The following UBE2W variants were observed in gnomAD, a reference collection of about 807,000 sequenced individuals.
UBE2W encodes the protein ubiquitin-conjugating enzyme E2 W.
Under a neutral mutation model 27.2 loss-of-function variants are expected in UBE2W, and 18 were observed. That is an observed-to-expected ratio of 0.66 (90% CI 0.46 to 0.98). The LOEUF (loss-of-function observed/expected upper bound fraction) is 0.98. UBE2W is among the 50% of genes least tolerant of loss of function. The pLI, the probability that UBE2W is intolerant of heterozygous loss-of-function variation, is 0.00. For synonymous variants in UBE2W, 53 were observed against 57.2 expected (o/e 0.93, Z 0.33); for missense variants, 90 against 180.2 (o/e 0.50, Z 2.87).
chr8:73,794,732 C>A (rs113216543), intron 5 of UBE2W, among the ~76,000 whole-genome samples: 4,882 of 151,600 alleles, frequency 0.032, 263 homozygotes, highest in African/African-American at 0.11. Flanking sequence ...GTGAAACCCT[C>A]CCTCTACTAA....
chr8:73,851,949 C>CTCTT (rs1279600456), intron 1 of UBE2W, among the ~76,000 whole-genome samples: 10 of 114,428 alleles, frequency 8.7e-5, no homozygotes, highest in South Asian at 2.9e-4. Flanking sequence ...CCCAGTCTCT[C>CTCTT]TTTTTTTTTT....
chr8:73,811,872 G>C (rs1563583682), intron 3 of UBE2W, among the ~76,000 whole-genome samples: 1 of 151,994 alleles, frequency 6.6e-6, no homozygotes, highest in Non-Finnish European at 1.5e-5. Context: ...AAAAGAACCA[G>C]TGAGGTAAAT....
chr8:73,783,379 A>G (rs1189478007), downstream of UBE2W, among the ~76,000 whole-genome samples: 1 of 152,170 alleles, frequency 6.6e-6, no homozygotes, highest in East Asian at 1.9e-4. Flanking sequence ...CTAATTCTGT[A>G]TACAGTGTTA....
chr8:73,875,327 C>T (rs1812176642), intron 1 of UBE2W, among the ~76,000 whole-genome samples: 1 of 152,140 alleles, frequency 6.6e-6, no homozygotes, highest in Non-Finnish European at 1.5e-5. Context: ...TCTAGCCTCC[C>T]AATCTCATCT....
At chr8:73,854,632 CAT>C (rs1384023212) in intron 1 of UBE2W, among the ~76,000 whole-genome samples, 4 of 152,052 alleles carry the variant, frequency 2.6e-5, no homozygotes, top group African/African-American at 9.7e-5. Context: ...AAATTGGTAC[CAT>C]AGATTCTCTG....
chr8:73,798,598 A>G (rs1441260356), intron 5 of UBE2W, among the ~76,000 whole-genome samples: 2 of 152,234 alleles, frequency 1.3e-5, no homozygotes, highest in African/African-American at 2.4e-5. Context: ...ATCATTTATG[A>G]AACTAAGTTG....
rs11354153 is a variant in UBE2W, at chr8:73,865,180, C to CAA, written c.15+13626_15+13627dup. 5.4e-3 allele frequency among the ~76,000 whole-genome samples: 179 copies of CAA among 32,854 alleles called. 25 individuals are homozygous for CAA. The highest frequency in any genetic ancestry group is 0.024 in the Middle Eastern group (1 of 42). 21.6% of individuals were successfully genotyped at this position (32,854 alleles called of 152,430 possible). A position where few individuals can be genotyped will look rare whatever the true frequency, so the allele number is the denominator to read the frequency against. ...CACTGCTCTTTAAGTGTGCAAACGT[C>CAA]AAAAAAAAAAAAAAAAAAAAAAAAA... On this transcript the variant is annotated intron_variant, in intron 1 of 5. Coordinates refer to ENST00000602593, the MANE Select transcript of UBE2W (RefSeq NM_018299.6).
intron 1 of UBE2W, among the ~76,000 whole-genome samples, chr8:73,833,603 T>G (rs1024049698): frequency 9.2e-5 from 14 of 152,160 alleles, no homozygotes; most frequent in South Asian, 2.1e-4. Context: ...TGTACACCTC[T>G]TCCCTTGTTA....
chr8:73,826,638 A>G (rs1030802475), intron 2 of UBE2W, among the ~76,000 whole-genome samples: 1 of 152,232 alleles, frequency 6.6e-6, no homozygotes, highest in African/African-American at 2.4e-5. Context: ...CATGGTAATA[A>G]AAGATACGAC....
At chr8:73,784,202 C>T (rs2130826496), downstream of UBE2W, among the ~76,000 whole-genome samples, 1 of 152,278 alleles carries the variant, frequency 6.6e-6, no homozygotes, top group Non-Finnish European at 1.5e-5. Context: ...GTCATGTTCC[C>T]TGAATTCTTT....
chr8:73,782,072 C>T (rs149071248), downstream of UBE2W, among the ~76,000 whole-genome samples: 749 of 151,626 alleles, frequency 4.9e-3, 6 homozygotes, highest in African/African-American at 0.017. Flanking sequence ...TCCTGAGTAG[C>T]TGGAACTACA....
At position 73,794,082 on chromosome 8, in the gene UBE2W, G is replaced by A. The variant is rs1470476434; in HGVS notation, c.*20C>T. ...TTCTCAGTAGGACTATCTTCTGCTA[G>A]GAGGATGATAACAGTGGCATCAACA... On this transcript the variant is annotated 3_prime_UTR_variant, in exon 6 of 6. Transcript: ENST00000602593. The A allele has an allele frequency of 3.1e-6, 5 of 1,613,434 alleles. No homozygotes were observed. In the South Asian group the frequency reaches 4.4e-5, roughly 14 times the overall value.
chr8:73,878,673 T>A, intron 1 of UBE2W, 135 bp downstream of exon 1: 1 of 756,144 alleles, frequency 1.3e-6, no homozygotes, highest in Non-Finnish European at 2.3e-6. Context: ...CGCCCTGAGC[T>A]GAGGGAAAAC....
At chr8:73,785,810 T>C (rs537803524), downstream of UBE2W, among the ~76,000 whole-genome samples, 1 of 152,278 alleles carries the variant, frequency 6.6e-6, no homozygotes, top group South Asian at 2.1e-4. Context: ...GGTCTCAAGC[T>C]CCTGACGTGA....
chr8:73,780,275 C>T (rs971937388), exon 5 of UBE2W: 1 of 246,422 alleles, frequency 4.1e-6, no homozygotes, highest in Non-Finnish European at 8.4e-6. Context: ...GATACATCAC[C>T]CCATGACTGC....
At position 73,859,334 on chromosome 8, in the gene UBE2W, C is replaced by T. The variant is rs938072758; in HGVS notation, c.15+19474G>A. On this transcript the variant is annotated intron_variant, in intron 1 of 5. Coordinates refer to ENST00000602593, the MANE Select transcript of UBE2W (RefSeq NM_018299.6). ...CACCCTGGCCAACATGGTGAAACCT[C>T]ATCTCTACTAAAAATACAAAAATTA... Among the ~76,000 whole-genome samples the T allele has an allele frequency of 5.3e-5, 8 of 152,048 alleles. No homozygotes were observed. In the South Asian group the frequency reaches 1.7e-3, roughly 32 times the overall value.
At chr8:73,852,545 T>C (rs1242036134) in intron 1 of UBE2W, among the ~76,000 whole-genome samples, 1 of 152,244 alleles carries the variant, frequency 6.6e-6, no homozygotes, top group Non-Finnish European at 1.5e-5. Flanking sequence ...ACAGAGTTAA[T>C]GTTTCATTTA....
intron 3 of UBE2W, among the ~76,000 whole-genome samples, chr8:73,813,134 T>C (rs562829044): frequency 6.8e-6 from 1 of 148,038 alleles, no homozygotes; most frequent in East Asian, 2.0e-4. Context: ...TTATCTTCTT[T>C]GGCAAAACTG....
At chr8:73,813,016 A>T (rs1019696679) in intron 3 of UBE2W, among the ~76,000 whole-genome samples, 3 of 148,746 alleles carry the variant, frequency 2.0e-5, no homozygotes, top group Non-Finnish European at 4.5e-5. Context: ...AAAAAAAAAA[A>T]AAAAGATATT....
Sources: gnomAD v4.1 joint callset for allele counts (sites outside exome capture counted in the v4.1 genomes callset) on GRCh38, gnomAD v4.1.1 for gene constraint, MANE v1.5 for transcripts, NCBI Gene and HGNC (gene_info 2026-07-23, HGNC 2026-07-21) for gene names.